The following GOLPH3 variants were observed in gnomAD, a reference collection of about 807,000 sequenced individuals.
GOLPH3 encodes the protein golgi phosphoprotein 3.
Under a neutral mutation model 28.5 loss-of-function variants are expected in GOLPH3, and 14 were observed. That is an observed-to-expected ratio of 0.49 (90% CI 0.32 to 0.77). The LOEUF is 0.77. GOLPH3 is among the 30% of genes least tolerant of loss of function. The pLI is 0.03. For missense variants in GOLPH3, 350 were observed against 393.7 expected (o/e 0.89, Z 0.94); for synonymous variants, 158 against 159.2 (o/e 0.99, Z 0.06).
At chr5:32,132,508 G>C (rs1745844308) in intron 3 of GOLPH3, among the ~76,000 whole-genome samples, 1 of 152,114 alleles carries the variant, frequency 6.6e-6, no homozygotes, top group Admixed American at 6.5e-5. Context: ...AACTTTCAGA[G>C]AACCATACTG....
chr5:32,143,226 C>T (rs1423893746), intron 2 of GOLPH3, among the ~76,000 whole-genome samples: 2 of 152,056 alleles, frequency 1.3e-5, no homozygotes, highest in East Asian at 1.9e-4. Context: ...GCAAGATGTG[C>T]TTTGTTAAAC....
Position 32,135,622 on chromosome 5 carries a change from T to C in GOLPH3, c.422A>G (p.Lys141Arg). 6.2e-7 allele frequency: 1 copy of C among 1,613,948 alleles called. No individual in the cohort carries two copies. Among genetic ancestry groups the C allele is most frequent in the Non-Finnish European group, 8.5e-7 (1 of 1,179,830 alleles). The part of the protein sequence containing the change: ...VLLDEALKHV[K>R]ETQPPETVQN... ...GACCGTTTCTGGAGGCTGAGTTTCC[T>C]TAACATGCTTCAGAGCTTCATCAAG... is the stretch of plus-strand genomic sequence containing the variant. Residue 141 changes from lysine to arginine, a missense_variant, in exon 3 of 4, where the codon AAG (lysine) becomes AGG (arginine). Transcript: ENST00000265070.
chr5:32,153,052 G>A (rs925768640), intron 1 of GOLPH3, among the ~76,000 whole-genome samples: 1 of 152,182 alleles, frequency 6.6e-6, no homozygotes, highest in Admixed American at 6.5e-5. Context: ...ATCTGTAGGA[G>A]CAAAAGTTTG....
chr5:32,163,280 T>C (rs1171578144), intron 1 of GOLPH3, among the ~76,000 whole-genome samples: 2 of 152,228 alleles, frequency 1.3e-5, no homozygotes, highest in Non-Finnish European at 2.9e-5. Context: ...TAAAAGTTAG[T>C]AACTCAGAAG....
intron 1 of GOLPH3, among the ~76,000 whole-genome samples, chr5:32,149,238 A>T (rs966827903): frequency 6.6e-6 from 1 of 152,224 alleles, no homozygotes; most frequent in Admixed American, 6.5e-5. Context: ...GCAAACCAAG[A>T]CATACAGAGA....
chr5:32,145,491 A>G (rs1287376804), intron 1 of GOLPH3, among the ~76,000 whole-genome samples: 1 of 152,254 alleles, frequency 6.6e-6, no homozygotes, highest in African/African-American at 2.4e-5. Flanking sequence ...ACATGAAATT[A>G]AAGTTACAGA....
At chr5:32,129,550 A>G (rs768829157) in intron 3 of GOLPH3, among the ~76,000 whole-genome samples, 2 of 152,234 alleles carry the variant, frequency 1.3e-5, no homozygotes, top group African/African-American at 2.4e-5. Context: ...ATTACATATT[A>G]GAACTAACTA....
intron 1 of GOLPH3, among the ~76,000 whole-genome samples, chr5:32,160,610 T>C (rs1216111536): frequency 1.3e-5 from 2 of 152,300 alleles, no homozygotes; most frequent in East Asian, 3.9e-4. Flanking sequence ...TGCTAGATGC[T>C]AGAGATACAA....
At chr5:32,167,089 T>C (rs1746732292) in intron 1 of GOLPH3, among the ~76,000 whole-genome samples, 1 of 152,198 alleles carries the variant, frequency 6.6e-6, no homozygotes, top group South Asian at 2.1e-4. Flanking sequence ...GATGATATTA[T>C]AAAAGTGTAT....
chr5:32,139,274 A>G (rs542223870), intron 2 of GOLPH3, among the ~76,000 whole-genome samples: 2 of 152,356 alleles, frequency 1.3e-5, no homozygotes, highest in African/African-American at 4.8e-5. Context: ...TATTGTAAGT[A>G]ATCTGGGGGT....
intron 1 of GOLPH3, among the ~76,000 whole-genome samples, chr5:32,144,854 T>G (rs1746155175): frequency 6.6e-6 from 1 of 152,046 alleles, no homozygotes; most frequent in Non-Finnish European, 1.5e-5. Flanking sequence ...ACAACTGGGG[T>G]TGTTCAAATT....
At chr5:32,136,982 G>A in intron 2 of GOLPH3, among the ~76,000 whole-genome samples, 1 of 151,954 alleles carries the variant, frequency 6.6e-6, no homozygotes, top group Non-Finnish European at 1.5e-5. Context: ...TTTTGGAAAT[G>A]GAGTTTTGCT....
chr5:32,173,453 C>T (rs911170473), intron 1 of GOLPH3, among the ~76,000 whole-genome samples: 1 of 152,042 alleles, frequency 6.6e-6, no homozygotes, highest in Non-Finnish European at 1.5e-5. Flanking sequence ...GTTAGTTTCC[C>T]GGGCAGTCTC....
At chr5:32,131,417 T>C (rs991916369) in intron 3 of GOLPH3, among the ~76,000 whole-genome samples, 5 of 152,294 alleles carry the variant, frequency 3.3e-5, no homozygotes, top group South Asian at 2.1e-4. Flanking sequence ...AGGAAGACAA[T>C]AGATGGATTT....
chr5:32,133,399 C>A (rs956791851), intron 3 of GOLPH3, among the ~76,000 whole-genome samples: 4 of 152,308 alleles, frequency 2.6e-5, no homozygotes, highest in African/African-American at 9.6e-5. Context: ...AAAGTCACCA[C>A]AACTTTGAGA....
intron 1 of GOLPH3, among the ~76,000 whole-genome samples, chr5:32,148,621 C>T (rs565714456): frequency 2.0e-5 from 3 of 152,058 alleles, no homozygotes; most frequent in Non-Finnish European, 4.4e-5. Flanking sequence ...CACGGTGAAA[C>T]CCCATCTCTA....
intron 1 of GOLPH3, among the ~76,000 whole-genome samples, chr5:32,170,266 C>G (rs1380666759): frequency 1.3e-5 from 2 of 152,122 alleles, no homozygotes; most frequent in Non-Finnish European, 2.9e-5. Context: ...TAATATTAAG[C>G]CAGTGGTTAC....
rs1745665935 is a variant in GOLPH3 at position 32,125,899 on chromosome 5, G to A, written c.*313C>T. 3.7e-6 allele frequency: 1 copy of A among 266,734 alleles called. No homozygotes were observed. The highest frequency in any genetic ancestry group is 7.1e-6 in the Non-Finnish European group (1 of 139,958). The allele number at this position is 266,734 out of a possible 1,614,324, so 16.5% of individuals were successfully genotyped here. ...CTCAAGCTGAGGTCATCCAAAAGCT[G>A]TGCGTATGAGGAGGCTGGAGGTACT... On this transcript the variant is annotated 3_prime_UTR_variant, in exon 4 of 4. Transcript: ENST00000265070.
At chr5:32,153,418 A>C (rs1746354207) in intron 1 of GOLPH3, among the ~76,000 whole-genome samples, 1 of 150,488 alleles carries the variant, frequency 6.6e-6, no homozygotes, top group South Asian at 2.1e-4. Flanking sequence ...CACTGAAAAC[A>C]GAAAAAAAAA....
Sources: allele counts gnomAD v4.1 joint callset (sites outside exome capture counted in the v4.1 genomes callset), GRCh38; gene constraint gnomAD v4.1.1; transcripts MANE v1.5; gene names NCBI Gene and HGNC (gene_info 2026-07-23, HGNC 2026-07-21).